TNFAIP8: variants seen among roughly 807,000 people sequenced by gnomAD.
TNFAIP8 encodes the protein tumor necrosis factor alpha-induced protein 8.
TNFAIP8 carries 7 observed loss-of-function variants against 13.3 expected under a neutral mutation model. That is an observed-to-expected ratio of 0.52 (90% CI 0.30 to 0.99). The LOEUF (loss-of-function observed/expected upper bound fraction) is 0.99, where lower values mean the gene tolerates loss of function less well. TNFAIP8 is among the 50% of genes least tolerant of loss of function. The pLI is 0.07. For synonymous variants in TNFAIP8, 94 were observed against 87.6 expected, an observed-to-expected ratio of 1.07 and a Z score of -0.41; for missense variants, 258 against 236.9, an observed-to-expected ratio of 1.09 and a Z score of -0.58.
intron 1 of TNFAIP8, among the ~76,000 whole-genome samples, chr5:119,315,884 A>G (rs1749879143): frequency 6.6e-6 from 1 of 152,118 alleles, no homozygotes; most frequent in Admixed American, 6.6e-5. Context: ...ATTATTTTAA[A>G]TGAACTTGGC....
At position 119,393,610 on chromosome 5, in the gene TNFAIP8, G is replaced by A. The variant is rs1752986436; in HGVS notation, c.*229G>A. On this transcript the variant is annotated 3_prime_UTR_variant, in exon 2 of 2. Transcript: ENST00000504771. ...TCCTAACGGGTAACAGACCATGGGA[G>A]AGATATGTGGTTGGGTAATGCAAAT... The A allele has an allele frequency of 2.0e-6, 1 of 501,044 alleles. No individual in the cohort carries two copies. The highest frequency in any genetic ancestry group is 1.9e-5 in the African/African-American group (1 of 52,260). 31.0% of individuals were successfully genotyped at this position (501,044 alleles called of 1,614,324 possible).
chr5:119,355,523 C>A, upstream of TNFAIP8: 1 of 584,950 alleles, frequency 1.7e-6, no homozygotes, highest in South Asian at 2.1e-5. Context: ...AATAACATAC[C>A]AAAGCCGCTT....
At chr5:119,301,382 T>G (rs778461385) in intron 1 of TNFAIP8, among the ~76,000 whole-genome samples, 30 of 152,152 alleles carry the variant, frequency 2.0e-4, no homozygotes, top group Non-Finnish European at 3.1e-4. Context: ...ACTGGCCAGA[T>G]CCTATTCAGT....
intron 1 of TNFAIP8, among the ~76,000 whole-genome samples, chr5:119,279,366 A>G (rs1477414704): frequency 6.6e-6 from 1 of 152,094 alleles, no homozygotes; most frequent in Non-Finnish European, 1.5e-5. Context: ...TTCTGCTACA[A>G]AGCTTGTCTC....
chr5:119,339,780 A>G (rs190533522), intron 1 of TNFAIP8, among the ~76,000 whole-genome samples: 160 of 152,332 alleles, frequency 1.1e-3, no homozygotes, highest in African/African-American at 3.6e-3. Context: ...CTGAAGTCCA[A>G]TATAATTTGT....
At chr5:119,349,632 A>C (rs183037858) in intron 1 of TNFAIP8, among the ~76,000 whole-genome samples, 38 of 152,324 alleles carry the variant, frequency 2.5e-4, no homozygotes. Context: ...TGAACTTTTA[A>C]TTAAGGTCCT....
At chr5:119,301,033 A>C (rs1274174952) in intron 1 of TNFAIP8, among the ~76,000 whole-genome samples, 2 of 152,190 alleles carry the variant, frequency 1.3e-5, no homozygotes, top group Non-Finnish European at 2.9e-5. Flanking sequence ...GTTGTTTGCA[A>C]TTCAGAATTC....
Position 119,391,298 on chromosome 5 carries a change from T to C in TNFAIP8, c.32-1518T>C, listed in dbSNP as rs893996449. 21 of 688,380 alleles carry C rather than the reference T, an allele frequency of 3.1e-5. No homozygotes were observed. In the Admixed American group the frequency reaches 3.3e-4, roughly 11 times the overall value. The allele number at this position is 688,380 out of a possible 1,614,324, so 42.6% of individuals were successfully genotyped here. A position where few individuals can be genotyped will look rare whatever the true frequency, so the allele number is the denominator to read the frequency against. On this transcript the variant is annotated intron_variant, in intron 1 of 1. Coordinates refer to ENST00000504771, the MANE Select transcript of TNFAIP8 (RefSeq NM_014350.4). ...ATATAATCATTGATGCCTTGACTCATTTGTATGTATCTGTATTTTTAAACT... is the reference window on the plus strand; with the variant it reads ...ATATAATCATTGATGCCTTGACTCACTTGTATGTATCTGTATTTTTAAACT...
At chr5:119,379,344 T>C (rs1752398770) in intron 1 of TNFAIP8, among the ~76,000 whole-genome samples, 1 of 152,206 alleles carries the variant, frequency 6.6e-6, no homozygotes, top group Non-Finnish European at 1.5e-5. Context: ...TTGTCAAGGA[T>C]TCTAAATAGA....
chr5:119,310,252 C>T (rs1013562435), intron 1 of TNFAIP8, among the ~76,000 whole-genome samples: 12 of 151,988 alleles, frequency 7.9e-5, no homozygotes, highest in African/African-American at 2.4e-4. Context: ...TGAGGTACTA[C>T]GGCTGGTAGA....
At chr5:119,390,356 G>C (rs1341380125) in intron 1 of TNFAIP8, among the ~76,000 whole-genome samples, 1 of 152,030 alleles carries the variant, frequency 6.6e-6, no homozygotes, top group Non-Finnish European at 1.5e-5. Context: ...GATGAAATAT[G>C]GTCCCTGGTT....
intron 1 of TNFAIP8, among the ~76,000 whole-genome samples, chr5:119,345,285 A>C (rs1750860932): frequency 6.6e-6 from 1 of 152,258 alleles, no homozygotes; most frequent in Non-Finnish European, 1.5e-5. Flanking sequence ...GGAAAGTTTA[A>C]AATAAACAAG....
intron 1 of TNFAIP8, among the ~76,000 whole-genome samples, chr5:119,269,515 A>G (rs903594997): frequency 5.9e-5 from 9 of 152,110 alleles, no homozygotes; most frequent in African/African-American, 2.2e-4. Flanking sequence ...CTGCAAAGAC[A>G]CCTGATGAGC....
chr5:119,378,756 C>G (rs1356639844), intron 1 of TNFAIP8, among the ~76,000 whole-genome samples: 1 of 152,182 alleles, frequency 6.6e-6, no homozygotes, highest in Non-Finnish European at 1.5e-5. Flanking sequence ...AAATGCATTT[C>G]TTTTACACAG....
rs74324444 is a variant in TNFAIP8 at position 119,362,018 on chromosome 5, G to A, written c.31+5897G>A. 6.5e-3 allele frequency among the ~76,000 whole-genome samples: 996 copies of A among 152,262 alleles called. 16 individuals carry two copies. Among genetic ancestry groups the A allele is most frequent in the African/African-American group, 0.023 (944 of 41,532 alleles). On this transcript the variant is annotated intron_variant, in intron 1 of 1. Coordinates refer to ENST00000504771, the MANE Select transcript of TNFAIP8 (RefSeq NM_014350.4). ...ATCTTCAGAGAGTTTTTGGTTCAGGGCATCACACACAGCACATGTGCATCC... is the reference window on the plus strand; with the variant it reads ...ATCTTCAGAGAGTTTTTGGTTCAGGACATCACACACAGCACATGTGCATCC...
At chr5:119,281,395 G>C (rs530433481) in intron 1 of TNFAIP8, among the ~76,000 whole-genome samples, 3 of 151,338 alleles carry the variant, frequency 2.0e-5, no homozygotes, top group African/African-American at 7.3e-5. Flanking sequence ...TCCAATTAAA[G>C]TTCAAGACTA....
intron 1 of TNFAIP8, among the ~76,000 whole-genome samples, chr5:119,309,989 A>T (rs1321867853): frequency 6.6e-6 from 1 of 152,202 alleles, no homozygotes; most frequent in African/African-American, 2.4e-5. Flanking sequence ...GCCAACTGGG[A>T]TGACCTGAAT....
intron 1 of TNFAIP8, among the ~76,000 whole-genome samples, chr5:119,328,211 C>G (rs1750279194): frequency 6.6e-6 from 1 of 152,124 alleles, no homozygotes; most frequent in East Asian, 1.9e-4. Flanking sequence ...TTATCTTTGC[C>G]ACCCACTGCA....
rs1404261033 is a variant in TNFAIP8, at chr5:119,394,611, A to T, written c.*1230A>T. The T allele has an allele frequency of 1.0e-4, 12 of 114,680 alleles. No homozygotes were observed. Among genetic ancestry groups the T allele is most frequent in the African/African-American group, 3.2e-4 (8 of 24,796 alleles). The allele number at this position is 114,680 out of a possible 1,614,324, so 7.1% of individuals were successfully genotyped here. On this transcript the variant is annotated 3_prime_UTR_variant, in exon 2 of 2. Transcript: ENST00000504771. ...CATTTCCATTGTCACTGTGTCTATG[A>T]TTTTTTTTTTTTTTTTTTTGAGTCT...
Sources: allele counts gnomAD v4.1 joint callset (sites outside exome capture counted in the v4.1 genomes callset), GRCh38; gene constraint gnomAD v4.1.1; transcripts MANE v1.5; gene names NCBI Gene and HGNC (gene_info 2026-07-23, HGNC 2026-07-21).